CELA1: variants seen among roughly 807,000 people sequenced by gnomAD.
The protein encoded by CELA1 is chymotrypsin like elastase 1, also known as chymotrypsin-like elastase family member 1.
CELA1 carries 28 observed loss-of-function variants against 34.8 expected under a neutral mutation model. That is an observed-to-expected ratio of 0.80 (90% CI 0.60 to 1.10). The LOEUF (loss-of-function observed/expected upper bound fraction) is 1.10, where lower values mean the gene tolerates loss of function less well. Ranked by LOEUF, CELA1 falls within the 50% of genes least tolerant of loss-of-function variation. The pLI, the probability that CELA1 is intolerant of heterozygous loss-of-function variation, is 0.00. For synonymous variants in CELA1, 140 were observed against 129.8 expected (o/e 1.08, Z -0.53); for missense variants, 288 against 327.5 (o/e 0.88, Z 0.93).
intron 6 of CELA1, among the ~76,000 whole-genome samples, chr12:51,336,952 A>C (rs535693602): frequency 6.6e-6 from 1 of 152,278 alleles, no homozygotes; most frequent in South Asian, 2.1e-4. Context: ...CCTAAAGAAC[A>C]ATTCTAAAAG....
chr12:51,341,062 A>C (rs968081174), intron 5 of CELA1, among the ~76,000 whole-genome samples, 182 bp downstream of exon 5: 4 of 152,182 alleles, frequency 2.6e-5, no homozygotes, highest in Non-Finnish European at 5.9e-5. Context: ...GAGTCCATGA[A>C]TCTGTCAACT....
At chr12:51,334,733 C>T (rs527352913) in intron 6 of CELA1, among the ~76,000 whole-genome samples, 1 of 152,302 alleles carries the variant, frequency 6.6e-6, no homozygotes, top group African/African-American at 2.4e-5. Flanking sequence ...TGCGCCTGGC[C>T]TAATCCTTTC....
intron 1 of CELA1, among the ~76,000 whole-genome samples, 155 bp downstream of exon 1, chr12:51,346,465 CAGG>C (rs1185357523): frequency 6.6e-6 from 1 of 152,042 alleles, no homozygotes; most frequent in African/African-American, 2.4e-5. Context: ...GGACGCTCTG[CAGG>C]CAGAGCGTCC....
intron 6 of CELA1, among the ~76,000 whole-genome samples, chr12:51,334,600 A>T (rs1376897555): frequency 6.6e-6 from 1 of 151,846 alleles, no homozygotes; most frequent in Non-Finnish European, 1.5e-5. Flanking sequence ...CACCCGGCTA[A>T]TTTTTTTGTA....
rs1427387386 is a variant in CELA1, at chr12:51,330,885, G to C, written c.610-1052C>G. On this transcript the variant is annotated intron_variant, in intron 6 of 7. Coordinates refer to ENST00000293636, the MANE Select transcript of CELA1 (RefSeq NM_001971.6). ...CTCGGGAGGCTGAGGCAGGAGAATG[G>C]CGTGAACCCGGGAGGCAGAGCTTGC... is the stretch of plus-strand genomic sequence containing the variant. 2.7e-5 allele frequency among the ~76,000 whole-genome samples: 4 copies of C among 150,696 alleles called. No homozygotes were observed. In the South Asian group the frequency reaches 8.4e-4, roughly 32 times the overall value.
In CELA1 at chr12:51,339,920, G is replaced by GC; in HGVS notation, c.548dup (p.Ser184LeufsTer22). ...ACACCATGGTGTTCTTCACAGTGGAGCCCCAGTAGGAGGAGCTGGAGCAGA... is the reference window on the plus strand; with the variant it reads ...ACACCATGGTGTTCTTCACAGTGGAGCCCCCAGTAGGAGGAGCTGGAGCAGA... On this transcript the variant is annotated frameshift_variant, in exon 6 of 8. Transcript: ENST00000293636. LOFTEE classifies it high-confidence loss of function. The GC allele has an allele frequency of 6.2e-7, 1 of 1,614,116 alleles. No homozygotes were observed. The highest frequency in any genetic ancestry group is 2.2e-5 in the East Asian group (1 of 44,878).
At chr12:51,339,645 G>T (rs1411917014) in intron 6 of CELA1, among the ~76,000 whole-genome samples, 1 of 152,200 alleles carries the variant, frequency 6.6e-6, no homozygotes, top group Non-Finnish European at 1.5e-5. Flanking sequence ...TGAAGTGAGG[G>T]CATCGAGCAA....
rs1330769673 is a variant in CELA1, at chr12:51,342,667, A to G, written c.234T>C (p.His78=). 6 of 1,613,974 alleles carry G rather than the reference A, an allele frequency of 3.7e-6. No individual in the cohort carries two copies. Among genetic ancestry groups the G allele is most frequent in the Non-Finnish European group, 5.1e-6 (6 of 1,180,012 alleles). Residue 78 remains histidine, a synonymous_variant, in exon 4 of 8, where the codon CAT becomes CAC. Transcript: ENST00000293636. ...QKTFRVVAGD[H]NLSQNDGTEQ... The stretch of plus-strand genomic sequence containing the variant: ...CAGTGCCATCATTCTGGCTCAGGTT[A>G]TGGTCTCCAGCCACCACGCGGAAAG...
chr12:51,331,454 AAAC>A (rs1325588480), intron 6 of CELA1, among the ~76,000 whole-genome samples: 4 of 152,224 alleles, frequency 2.6e-5, no homozygotes, highest in African/African-American at 7.2e-5. Context: ...GCATACTACT[AAAC>A]AACATTCAGA....
chr12:51,342,190 C>T (rs1256231366), intron 4 of CELA1, among the ~76,000 whole-genome samples: 1 of 150,286 alleles, frequency 6.7e-6, no homozygotes, highest in Non-Finnish European at 1.5e-5. Flanking sequence ...CCATGCCTGG[C>T]TAATTTTTTT....
intron 6 of CELA1, among the ~76,000 whole-genome samples, chr12:51,339,512 T>C (rs1306002858): frequency 6.6e-6 from 1 of 152,058 alleles, no homozygotes; most frequent in East Asian, 1.9e-4. Flanking sequence ...GATCGTCCCA[T>C]TGCACTCCAG....
At chr12:51,345,200 A>G (rs1413809857) in intron 2 of CELA1, among the ~76,000 whole-genome samples, 1 of 152,172 alleles carries the variant, frequency 6.6e-6, no homozygotes, top group Non-Finnish European at 1.5e-5. Context: ...CATGTTATGT[A>G]ATAGCTCTAC....
Position 51,329,756 on chromosome 12 carries a change from G to T in CELA1, c.687C>A (p.Ser229Arg), listed in dbSNP as rs778999971. Residue 229 changes from serine (S) to arginine (R), a missense_variant, in exon 7 of 8, where the codon AGC becomes AGA. Physicochemically the swap from Ser to Arg is moderately radical, Grantham distance 110. Coordinates refer to ENST00000293636, the MANE Select transcript of CELA1 (RefSeq NM_001971.6). ...GCTTCCTGGAGACATTACAGCCCCG[G>T]CTGGACACAAAGCTGGTCACTCCAT... is the stretch of plus-strand genomic sequence containing the variant. Reference protein sequence around the residue: ...SVHGVTSFVSSRGCNVSRKPT... With the variant: ...SVHGVTSFVSRRGCNVSRKPT... The T allele has an allele frequency of 1.9e-6, 3 of 1,613,894 alleles. No individual in the cohort carries two copies. The highest frequency in any genetic ancestry group is 3.3e-5 in the Admixed American group (2 of 59,952).
intron 3 of CELA1, 103 bp from the exon 4 acceptor site, chr12:51,342,803 A>T: frequency 3.1e-6 from 4 of 1,282,868 alleles, no homozygotes; most frequent in Non-Finnish European, 2.1e-6. Context: ...AATCATTATT[A>T]TTTAGGAAAT....
At chr12:51,329,588 CGG>C in intron 7 of CELA1, 94 bp downstream of exon 7, 2 of 1,285,960 alleles carry the variant, frequency 1.6e-6, no homozygotes, top group Non-Finnish European at 2.1e-6. Context: ...AGGAAGATGA[CGG>C]CTTGCCCAGT....
At position 51,342,567 on chromosome 12, in the gene CELA1, G is replaced by T; in HGVS notation, c.326+8C>A. 1 of 1,614,078 alleles carries T rather than the reference G, an allele frequency of 6.2e-7. No homozygotes were observed. The highest frequency in any genetic ancestry group is 8.5e-7 in the Non-Finnish European group (1 of 1,179,992). ...CCCAGCCCAGGGCCAGCTTGGACTT[G>T]CTCCTACCCGGCAGCCACGTTATCG... is the stretch of plus-strand genomic sequence containing the variant. On this transcript the variant is annotated splice_region_variant and intron_variant, in intron 4 of 7. Coordinates refer to ENST00000293636, the MANE Select transcript of CELA1 (RefSeq NM_001971.6).
At chr12:51,341,014 T>TA (rs1946530968) in intron 5 of CELA1, among the ~76,000 whole-genome samples, 1 of 152,016 alleles carries the variant, frequency 6.6e-6, no homozygotes, top group Non-Finnish European at 1.5e-5. Flanking sequence ...GAGGGGCTGG[T>TA]AAAAAAAATT....
chr12:51,345,735 T>G (rs1347776936), intron 2 of CELA1, 60 bp downstream of exon 2: 3 of 1,160,372 alleles, frequency 2.6e-6, no homozygotes, highest in Non-Finnish European at 2.5e-6. Flanking sequence ...ACATGATACC[T>G]TATGTCATGC....
intron 3 of CELA1, among the ~76,000 whole-genome samples, 168 bp from the exon 4 acceptor site, chr12:51,342,868 C>T (rs538299671): frequency 3.3e-5 from 5 of 150,458 alleles, no homozygotes; most frequent in Admixed American, 6.6e-5. Flanking sequence ...TGGCTTCAAA[C>T]TCCCAGGCTC....
Sources: gnomAD v4.1 joint callset for allele counts (sites outside exome capture counted in the v4.1 genomes callset) on GRCh38, gnomAD v4.1.1 for gene constraint, MANE v1.5 for transcripts, NCBI Gene and HGNC (gene_info 2026-07-23, HGNC 2026-07-21) for gene names.